Variants in FYB1 observed in about 807,000 individuals in gnomAD.
FYB1 encodes the protein FYN binding protein 1.
A neutral mutation model predicts 94.1 loss-of-function variants in FYB1; 41 were observed. The observed-to-expected ratio is 0.44, with a 90% CI of 0.34 to 0.57. The LOEUF (loss-of-function observed/expected upper bound fraction) is 0.57, where lower values mean the gene tolerates loss of function less well. FYB1 is among the 20% of genes least tolerant of loss of function. The probability of loss-of-function intolerance (pLI) is 0.02; values close to 1 mark genes in which losing one functional copy is unlikely to be tolerated. For missense variants in FYB1, 1,050 were observed against 976.8 expected, an observed-to-expected ratio of 1.07 and a Z score of -1.00; for synonymous variants, 367 against 353.2, an observed-to-expected ratio of 1.04 and a Z score of -0.44.
intron 2 of FYB1, among the ~76,000 whole-genome samples, chr5:39,173,378 C>G (rs1372016907): frequency 1.3e-5 from 2 of 152,034 alleles, no homozygotes; most frequent in African/African-American, 2.4e-5. Context: ...ACATTTTCTC[C>G]CATTCTTTAG....
intron 2 of FYB1, among the ~76,000 whole-genome samples, chr5:39,178,473 C>A (rs772551412): frequency 6.6e-6 from 1 of 152,110 alleles, no homozygotes. Flanking sequence ...TCAAAATGCC[C>A]GTGGTTTAAT....
chr5:39,233,521 A>G (rs972813589), intron 1 of FYB1, among the ~76,000 whole-genome samples: 1 of 152,204 alleles, frequency 6.6e-6, no homozygotes, highest in Admixed American at 6.5e-5. Flanking sequence ...AACGTTGGTA[A>G]TAAGTGAGAA....
At chr5:39,168,694 C>T (rs1370394681) in intron 2 of FYB1, among the ~76,000 whole-genome samples, 7 of 152,074 alleles carry the variant, frequency 4.6e-5, no homozygotes, top group East Asian at 1.9e-4. Flanking sequence ...AGTTAAAAAC[C>T]GTAGTCACAT....
chr5:39,175,888 C>T (rs1745676405), intron 2 of FYB1, among the ~76,000 whole-genome samples: 1 of 152,028 alleles, frequency 6.6e-6, no homozygotes. Context: ...GTCTAAAATT[C>T]CTATGATAGG....
At chr5:39,248,202 A>G (rs532445715) in intron 1 of FYB1, among the ~76,000 whole-genome samples, 163 of 152,212 alleles carry the variant, frequency 1.1e-3, no homozygotes, top group Non-Finnish European at 1.2e-3. Flanking sequence ...TGATAACCAT[A>G]TAAATTAAGC....
Position 39,119,603 on chromosome 5 carries a change from C to G in FYB1, c.2170G>C (p.Glu724Gln), listed in dbSNP as rs776449251. ...QGTNVGKAKT[E>Q]EKDLKKLKKQ... ...TTTAGCTTCTTAAGGTCCTTTTCTT[C>G]TGTCTTAGCTTTTCCAACATTAGTT... The change falls in exon 15 of 19, where the codon GAA becomes CAA. Residue 724 changes from glutamate to glutamine, a missense_variant. Transcript: ENST00000512982. 6.5e-7 allele frequency: 1 copy of G among 1,544,742 alleles called. No individual in the cohort carries two copies. The highest frequency in any genetic ancestry group is 8.7e-7 in the Non-Finnish European group (1 of 1,144,690).
At chr5:39,271,564 A>G (rs897206565) in intron 1 of FYB1, among the ~76,000 whole-genome samples, 5 of 152,246 alleles carry the variant, frequency 3.3e-5, no homozygotes, top group Non-Finnish European at 7.3e-5. Flanking sequence ...CCAAATTTCT[A>G]TACATGATGC....
At chr5:39,117,516 A>G (rs1400584619) in intron 16 of FYB1, among the ~76,000 whole-genome samples, 1 of 152,064 alleles carries the variant, frequency 6.6e-6, no homozygotes, top group African/African-American at 2.4e-5. Flanking sequence ...TCTTCAGTGA[A>G]CTTCCAATCT....
chr5:39,107,633 T>A (rs934035868), intron 18 of FYB1, among the ~76,000 whole-genome samples, 168 bp from the exon 19 acceptor site: 1 of 152,042 alleles, frequency 6.6e-6, no homozygotes, highest in Non-Finnish European at 1.5e-5. Flanking sequence ...ATATTTAACT[T>A]TTATTATTTA....
intron 1 of FYB1, among the ~76,000 whole-genome samples, chr5:39,254,251 G>A (rs1751845769): frequency 6.6e-6 from 1 of 152,098 alleles, no homozygotes; most frequent in Admixed American, 6.5e-5. Context: ...TCTGTCTTTA[G>A]GTCTTTGAGG....
At chr5:39,242,920 T>A (rs910439799) in intron 1 of FYB1, among the ~76,000 whole-genome samples, 125 of 152,364 alleles carry the variant, frequency 8.2e-4, no homozygotes, top group African/African-American at 2.9e-3. Context: ...ATGTGTCTGT[T>A]GGCTGCATAA....
At chr5:39,200,742 G>A (rs1162121685) in intron 2 of FYB1, among the ~76,000 whole-genome samples, 5 of 152,180 alleles carry the variant, frequency 3.3e-5, no homozygotes, top group African/African-American at 1.2e-4. Context: ...CATATCGCAA[G>A]ATGTTTCTAC....
intron 1 of FYB1, chr5:39,269,583 C>T (rs1454355170): frequency 6.6e-6 from 1 of 152,376 alleles, no homozygotes; most frequent in Non-Finnish European, 1.5e-5. Context: ...TACCCTCTCT[C>T]ACCTCTACTC....
At chr5:39,204,306 T>C (rs1223249445) in intron 1 of FYB1, among the ~76,000 whole-genome samples, 1 of 152,196 alleles carries the variant, frequency 6.6e-6, no homozygotes, top group Non-Finnish European at 1.5e-5. Context: ...ACAGTAGTTC[T>C]AAAAGAATGA....
chr5:39,149,306 G>A (rs1041569654), intron 3 of FYB1, among the ~76,000 whole-genome samples: 1 of 152,146 alleles, frequency 6.6e-6, no homozygotes, highest in South Asian at 2.1e-4. Context: ...AGTCCACCCT[G>A]TCTTCTAAAA....
At chr5:39,122,453 G>T in intron 13 of FYB1, 51 bp from the exon 14 acceptor site, 1 of 1,043,562 alleles carries the variant, frequency 9.6e-7, no homozygotes, top group Non-Finnish European at 1.5e-6. Context: ...TTTAGATTTT[G>T]ATATGAGCAT....
At chr5:39,173,382 T>A (rs115647540) in intron 2 of FYB1, among the ~76,000 whole-genome samples, 3,110 of 152,270 alleles carry the variant, frequency 0.02, 103 homozygotes, top group African/African-American at 0.07. Context: ...TTTCTCCCAT[T>A]CTTTAGGCTG....
At chr5:39,159,768 C>G (rs548028447) in intron 2 of FYB1, among the ~76,000 whole-genome samples, 1 of 152,206 alleles carries the variant, frequency 6.6e-6, no homozygotes, top group Admixed American at 6.6e-5. Flanking sequence ...CCCATCAGTG[C>G]CTGCTTCCTT....
chr5:39,178,384 A>G (rs1006107887), intron 2 of FYB1, among the ~76,000 whole-genome samples: 1 of 152,192 alleles, frequency 6.6e-6, no homozygotes, highest in Non-Finnish European at 1.5e-5. Context: ...TGTATGCCCT[A>G]CAGTTTTACA....
Sources: allele counts gnomAD v4.1 joint callset (sites outside exome capture counted in the v4.1 genomes callset), GRCh38; gene constraint gnomAD v4.1.1; transcripts MANE v1.5; gene names NCBI Gene and HGNC (gene_info 2026-07-23, HGNC 2026-07-21).